Variants in TUBB3 observed in about 807,000 individuals in gnomAD.
TUBB3 encodes tubulin beta-3 chain.
Under a neutral mutation model 37.8 loss-of-function variants are expected in TUBB3, and 17 were observed. The ratio of observed to expected loss-of-function variants is 0.45; its 90% CI spans 0.31 to 0.67. TUBB3 has a LOEUF of 0.67. Ranked by LOEUF, TUBB3 falls within the 30% of genes least tolerant of loss-of-function variation. The pLI is 0.07. For synonymous variants in TUBB3, 332 were observed against 278.9 expected (o/e 1.19, Z -1.90); for missense variants, 262 against 657.9 (o/e 0.40, Z 6.58).
intron 1 of TUBB3, 86 bp downstream of exon 1, chr16:89,923,544 C>A: frequency 8.2e-7 from 1 of 1,226,420 alleles, no homozygotes; most frequent in Non-Finnish European, 1.0e-6. Flanking sequence ...TCCAGCTGCC[C>A]CCGCCCCTGC....
At chr16:89,922,972 C>G (rs985945162), upstream of TUBB3, among the ~76,000 whole-genome samples, 1 of 152,386 alleles carries the variant, frequency 6.6e-6, no homozygotes, top group African/African-American at 2.4e-5. Flanking sequence ...AAAAGACCCT[C>G]CGTACAAAGC....
Position 89,923,377 on chromosome 16 carries a change from C to A in TUBB3, c.-25C>A, listed in dbSNP as rs759993262. On this transcript the variant is annotated 5_prime_UTR_variant, in exon 1 of 4. Transcript: ENST00000315491. Reference sequence around the variant, plus strand: ...AGCCCGGCCCGCCCGCGCCCGTCCGCAGCCGCCCGCCAGACGCGCCCAGTA... The same window carrying A: ...AGCCCGGCCCGCCCGCGCCCGTCCGAAGCCGCCCGCCAGACGCGCCCAGTA... 1 of 1,457,360 alleles carries A rather than the reference C, an allele frequency of 6.9e-7. No homozygotes were observed. Among genetic ancestry groups the A allele is most frequent in the Admixed American group, 2.4e-5 (1 of 42,496 alleles). The allele number at this position is 1,457,360 out of a possible 1,614,324, so 90.3% of individuals were successfully genotyped here.
upstream of TUBB3, chr16:89,923,238 C>G (rs993881737): frequency 3.1e-6 from 1 of 324,470 alleles, no homozygotes; most frequent in Non-Finnish European, 5.2e-6. Flanking sequence ...GCGGGCCGGG[C>G]GGGGCTCTGC....
chr16:89,922,012 CA>C (rs1423419840), upstream of TUBB3: 1 of 152,600 alleles, frequency 6.6e-6, no homozygotes, highest in Non-Finnish European at 1.5e-5. Context: ...GCACCTCAGA[CA>C]CTCACCCCGG....
chr16:89,929,430 C>T (rs759560384), intron 1 of TUBB3, among the ~76,000 whole-genome samples: 2 of 152,192 alleles, frequency 1.3e-5, no homozygotes, highest in Non-Finnish European at 2.9e-5. Context: ...TCAGGGTGAA[C>T]GGGCATCCCG....
intron 1 of TUBB3, among the ~76,000 whole-genome samples, chr16:89,928,547 CG>C (rs1567762176): frequency 7.0e-6 from 1 of 142,912 alleles, no homozygotes; most frequent in African/African-American, 2.6e-5. Flanking sequence ...TTTTTTGAGG[CG>C]GAGTCTCTAT....
At position 89,935,138 on chromosome 16, in the gene TUBB3, A is replaced by T. The variant is rs761768643; in HGVS notation, c.687A>T (p.Val229=). The change falls in exon 4 of 4, where the codon GTA becomes GTT. Residue 229 remains valine, a synonymous_variant. Coordinates refer to ENST00000315491, the MANE Select transcript of TUBB3 (RefSeq NM_006086.4). ...CCTACGGGGACCTCAACCACCTGGT[A>T]TCGGCCACCATGAGCGGAGTCACCA... ...TPTYGDLNHL[V]SATMSGVTTS... is the part of the protein sequence containing the mutation. 14 of 1,613,986 alleles carry T rather than the reference A, an allele frequency of 8.7e-6. No individual in the cohort carries two copies. The highest frequency in any genetic ancestry group is 1.7e-5 in the Admixed American group (1 of 60,006).
intron 3 of TUBB3, chr16:89,933,850 C>T (rs909286579): frequency 6.2e-5 from 43 of 694,372 alleles, no homozygotes; most frequent in East Asian, 4.6e-4. Context: ...TGAGACAGAA[C>T]GGGGCCTCCA....
At chr16:89,923,845 T>A (rs540340546) in intron 1 of TUBB3, among the ~76,000 whole-genome samples, 3 of 151,326 alleles carry the variant, frequency 2.0e-5, no homozygotes, top group Non-Finnish European at 4.4e-5. Context: ...GGTAGGCAGG[T>A]TTGGGTGGGG....
At position 89,935,309 on chromosome 16, in the gene TUBB3, G is replaced by A. The variant is rs2030417380; in HGVS notation, c.858G>A (p.Val286=). ...RGSQQYRALT[V]PELTQQMFDA... ...GCCAGCAGTACCGGGCCCTGACCGT[G>A]CCCGAGCTCACCCAGCAGATGTTCG... The change falls in exon 4 of 4, where the codon GTG becomes GTA. Residue 286 remains valine, a synonymous_variant. Transcript: ENST00000315491. 5 of 1,613,736 alleles carry A rather than the reference G, an allele frequency of 3.1e-6. No homozygotes were observed. The highest frequency in any genetic ancestry group is 3.4e-6 in the Non-Finnish European group (4 of 1,179,972).
At position 89,933,453 on chromosome 16, in the gene TUBB3, C is replaced by T. The variant is rs769818894; in HGVS notation, c.167-15C>T. 1 of 1,605,112 alleles carries T rather than the reference C, an allele frequency of 6.2e-7. No individual in the cohort carries two copies. Among genetic ancestry groups the T allele is most frequent in the Non-Finnish European group, 8.5e-7 (1 of 1,171,850 alleles). ...CCTCTGTGACCCGAATCACCGAGCC[C>T]CTCTCTCCCCTCAGCTCACAAGTAC... On this transcript the variant is annotated splice_polypyrimidine_tract_variant and intron_variant, in intron 2 of 3. Coordinates refer to ENST00000315491, the MANE Select transcript of TUBB3 (RefSeq NM_006086.4).
chr16:89,935,496 G>A lies in TUBB3; in HGVS notation c.1045G>A (p.Val349Met), dbSNP rs2030424266. 2 of 1,614,100 alleles carry A rather than the reference G, an allele frequency of 1.2e-6. No individual in the cohort carries two copies. Among genetic ancestry groups the A allele is most frequent in the African/African-American group, 1.3e-5 (1 of 74,946 alleles). ...SYFVEWIPNNVKVAVCDIPPR... is the reference protein window; with the variant it reads ...SYFVEWIPNNMKVAVCDIPPR... ...CTTCGTGGAGTGGATCCCCAACAAC[G>A]TGAAGGTGGCCGTGTGTGACATCCC... is the stretch of plus-strand genomic sequence containing the variant. Residue 349 changes from valine (V) to methionine (M), a missense_variant, in exon 4 of 4, where the codon GTG becomes ATG. Physicochemically the swap from Val to Met is conservative, Grantham distance 21. Coordinates refer to ENST00000315491, the MANE Select transcript of TUBB3 (RefSeq NM_006086.4).
chr16:89,929,074 T>A (rs2030190250), intron 1 of TUBB3, among the ~76,000 whole-genome samples: 1 of 151,888 alleles, frequency 6.6e-6, no homozygotes, highest in Admixed American at 6.6e-5. Flanking sequence ...GCGATTCTCG[T>A]GTCTCAGACT....
At chr16:89,928,548 G>A (rs1202901420) in intron 1 of TUBB3, among the ~76,000 whole-genome samples, 5 of 145,666 alleles carry the variant, frequency 3.4e-5, no homozygotes, top group Middle Eastern at 3.6e-3. Context: ...TTTTTGAGGC[G>A]GAGTCTCTAT....
rs773849361 is a variant in TUBB3 at position 89,935,609 on chromosome 16, G to T, written c.1158G>T (p.Thr386=). The T allele has an allele frequency of 6.2e-7, 1 of 1,613,896 alleles. No homozygotes were observed. The highest frequency in any genetic ancestry group is 8.5e-7 in the Non-Finnish European group (1 of 1,179,966). The part of the protein sequence containing the change: ...ELFKRISEQF[T]AMFRRKAFLH... ...TCAAGCGCATCTCCGAGCAGTTCAC[G>T]GCCATGTTCCGGCGCAAGGCCTTCC... The change falls in exon 4 of 4, where the codon ACG becomes ACT. Residue 386 remains threonine (T), a synonymous_variant. Transcript: ENST00000315491.
rs756795603 is a variant in TUBB3, at chr16:89,932,434, T to C, written c.58-137T>C. On this transcript the variant is annotated intron_variant, in intron 1 of 3. Transcript: ENST00000315491. ...TGACAGGTAACAGAGTGTGGGGCTC[T>C]CTTCTGAATGGGGCTCGTGGAGGCC... The C allele has an allele frequency of 1.4e-5, 10 of 708,880 alleles. No individual in the cohort carries two copies. In the African/African-American group the frequency reaches 1.8e-4, roughly 13 times the overall value. The allele number at this position is 708,880 out of a possible 1,614,324, so 43.9% of individuals were successfully genotyped here.
At chr16:89,923,811 C>A (rs2029972040) in intron 1 of TUBB3, among the ~76,000 whole-genome samples, 1 of 151,800 alleles carries the variant, frequency 6.6e-6, no homozygotes, top group South Asian at 2.1e-4. Flanking sequence ...GGGGCCGCGG[C>A]ATAGCCTTGA....
At chr16:89,934,102 C>T (rs1378780155) in intron 3 of TUBB3, 8 of 349,532 alleles carry the variant, frequency 2.3e-5, no homozygotes, top group African/African-American at 1.4e-4. Context: ...TGTCCTGGGG[C>T]GGGGCCGTGG....
intron 3 of TUBB3, chr16:89,933,854 GC>G (rs1433396780): frequency 3.6e-5 from 25 of 691,002 alleles, no homozygotes; most frequent in African/African-American, 3.0e-4. Context: ...ACAGAACGGG[GC>G]CTCCAGAGGA....
Sources: allele counts gnomAD v4.1 joint callset (sites outside exome capture counted in the v4.1 genomes callset), GRCh38; gene constraint gnomAD v4.1.1; transcripts MANE v1.5; gene names NCBI Gene and HGNC (gene_info 2026-07-23, HGNC 2026-07-21).